EPB41: variants seen among roughly 807,000 people sequenced by gnomAD.
EPB41 encodes erythrocyte membrane protein band 4.1.
In EPB41, 65 loss-of-function variants were observed where a neutral mutation model predicts 108.0. The ratio of observed to expected loss-of-function variants is 0.60; its 90% CI spans 0.49 to 0.74. EPB41 has a LOEUF of 0.74. EPB41 is among the 30% of genes least tolerant of loss of function. The pLI is 0.00. For missense variants in EPB41, 875 were observed against 1,037.0 expected (o/e 0.84, Z 2.15); for synonymous variants, 336 against 358.9 (o/e 0.94, Z 0.72).
Position 28,993,459 on chromosome 1 carries a change from T to A in EPB41, c.598T>A (p.Ser200Thr). 6.2e-7 allele frequency: 1 copy of A among 1,613,956 alleles called. No individual in the cohort carries two copies. Among genetic ancestry groups the A allele is most frequent in the Non-Finnish European group, 8.5e-7 (1 of 1,179,980 alleles). The change falls in exon 3 of 21, where the codon TCC (serine) becomes ACC (threonine). Residue 200 changes from serine to threonine, a missense_variant. Ser to Thr is a moderately conservative substitution (Grantham distance 58). Coordinates refer to ENST00000343067, the MANE Select transcript of EPB41 (RefSeq NM_001376013.1). ...QSKAETELKA[S>T]QKPIRKHRNM... ...AAAAGCAGAAACAGAATTAAAAGCT[T>A]CCCAAAAACCAATCAGAAAACACAG...
At position 29,119,912 on chromosome 1, in the gene EPB41, TTAGAC is replaced by T. The variant is rs1380225206; in HGVS notation, c.*3103_*3107del. ...CAGCAGAATCAGATTGGCAGAATCT[TTAGAC>T]TACACAGGCAATAATCAAGTCTGCT... On this transcript the variant is annotated 3_prime_UTR_variant, in exon 21 of 21. Coordinates refer to ENST00000343067, the MANE Select transcript of EPB41 (RefSeq NM_001376013.1). The T allele has an allele frequency of 3.3e-5, 5 of 152,682 alleles. No homozygotes were observed. The highest frequency in any genetic ancestry group is 2.1e-4 in the South Asian group (1 of 4,830). The allele number at this position is 152,682 out of a possible 1,614,324, so 9.5% of individuals were successfully genotyped here. A position where few individuals can be genotyped will look rare whatever the true frequency, so the allele number is the denominator to read the frequency against.
chr1:28,887,776 C>A lies in EPB41; in HGVS notation c.-8+566C>A. The A allele has an allele frequency of 1.3e-6, 1 of 788,724 alleles. No homozygotes were observed. Among genetic ancestry groups the A allele is most frequent in the Non-Finnish European group, 1.5e-6 (1 of 649,936 alleles). The allele number at this position is 788,724 out of a possible 1,614,324, so 48.9% of individuals were successfully genotyped here. ...CGGCTGTGCCCGCCAGGGTGGCCCC[C>A]CCGGCCGTCGCGCCAGCCCCACACC... On this transcript the variant is annotated intron_variant, in intron 1 of 16. Coordinates refer to the EPB41 transcript ENST00000347529. This position sits in a 1 kb window ranked among gnomAD's most constrained non-coding sequence, Gnocchi z 4.9.
intron 11 of EPB41, among the ~76,000 whole-genome samples, chr1:29,044,779 G>A (rs1642657140): frequency 6.6e-6 from 1 of 152,198 alleles, no homozygotes; most frequent in Non-Finnish European, 1.5e-5. Flanking sequence ...TTGACCCCAG[G>A]AGGCAGAAGT....
intron 1 of EPB41, among the ~76,000 whole-genome samples, chr1:28,946,308 C>T (rs1278607161): frequency 6.6e-6 from 1 of 152,046 alleles, no homozygotes; most frequent in East Asian, 1.9e-4. Context: ...GGGGTTTCAC[C>T]GTGTTGGCCA....
chr1:28,992,683 C>T (rs1456034498), intron 2 of EPB41, among the ~76,000 whole-genome samples: 5 of 151,540 alleles, frequency 3.3e-5, no homozygotes, highest in Admixed American at 1.3e-4. Flanking sequence ...AGTGAGACTC[C>T]GTCTCAAAAA....
rs985045472 is a variant in EPB41, at chr1:28,902,297, C to T, written c.-8+15087C>T. 24 of 985,342 alleles carry T rather than the reference C, an allele frequency of 2.4e-5. No individual in the cohort carries two copies. The Admixed American group carries it at 2.5e-4, about 10-fold the overall frequency. The allele number at this position is 985,342 out of a possible 1,614,324, so 61.0% of individuals were successfully genotyped here. A position where few individuals can be genotyped will look rare whatever the true frequency, so the allele number is the denominator to read the frequency against. On this transcript the variant is annotated intron_variant, in intron 1 of 16. Coordinates refer to the EPB41 transcript ENST00000347529. ...AGGGCATCAGTTTCAATTGGAGTGC[C>T]CAAATCTTTTGTTCTGGAGCCCGAG...
intron 3 of EPB41, among the ~76,000 whole-genome samples, chr1:28,994,418 G>A (rs1006309576): frequency 3.0e-4 from 45 of 150,644 alleles, no homozygotes; most frequent in Non-Finnish European, 6.1e-4. Context: ...TGATCTGCCC[G>A]CCTCGGCCTC....
intron 1 of EPB41, among the ~76,000 whole-genome samples, chr1:28,918,448 T>G (rs1383963741): frequency 6.6e-6 from 1 of 152,244 alleles, no homozygotes; most frequent in Non-Finnish European, 1.5e-5. Flanking sequence ...GAATTTTTTC[T>G]TTAATTACTT....
intron 16 of EPB41, among the ~76,000 whole-genome samples, chr1:29,095,592 G>T (rs1662924738): frequency 6.6e-6 from 1 of 152,138 alleles, no homozygotes; most frequent in African/African-American, 2.4e-5. Flanking sequence ...ACTACATAGT[G>T]AGACCCTGTT....
chr1:28,896,986 A>T (rs2090741569), intron 1 of EPB41, among the ~76,000 whole-genome samples: 1 of 152,202 alleles, frequency 6.6e-6, no homozygotes, highest in African/African-American at 2.4e-5. Context: ...AGGAGGAGGC[A>T]GAGCTGGGTT....
rs557999037 is a variant in EPB41, at chr1:28,987,457, T to C, written c.20T>C (p.Leu7Ser). The C allele has an allele frequency of 5.0e-6, 8 of 1,614,152 alleles. No individual in the cohort carries two copies. The African/African-American group carries it at 8.0e-5, about 16-fold the overall frequency. Reference sequence around the variant, plus strand: ...AACATCATGACAACAGAGAAGAGTTTAGTGACTGAGGCCGAAAATTCACAG... The same window carrying C: ...AACATCATGACAACAGAGAAGAGTTCAGTGACTGAGGCCGAAAATTCACAG... The part of the protein sequence containing the change: MTTEKS[L>S]VTEAENSQHQ... Residue 7 changes from leucine to serine, a missense_variant, in exon 2 of 21, where the codon TTA (leucine) becomes TCA (serine). Physicochemically the swap from Leu to Ser is moderately radical, Grantham distance 145. Transcript: ENST00000343067.
intron 16 of EPB41, among the ~76,000 whole-genome samples, chr1:29,078,967 T>C (rs529885576): frequency 4.9e-4 from 74 of 152,164 alleles, no homozygotes; most frequent in African/African-American, 1.6e-3. Context: ...TTTAGAGATA[T>C]ATAATGAACA....
At chr1:28,889,271 T>G (rs1332235087) in intron 1 of EPB41, among the ~76,000 whole-genome samples, 1 of 151,988 alleles carries the variant, frequency 6.6e-6, no homozygotes, top group African/African-American at 2.4e-5. Context: ...GGGAATGGAG[T>G]GGGGAAGTCC....
At chr1:28,922,626 ATTTTTT>A (rs11353802) in intron 1 of EPB41, among the ~76,000 whole-genome samples, 2 of 127,294 alleles carry the variant, frequency 1.6e-5, no homozygotes, top group South Asian at 5.2e-4. Flanking sequence ...TAGAGACAGG[ATTTTTT>A]TTTTTTTTTT....
At chr1:28,927,978 G>C (rs896090952) in intron 1 of EPB41, among the ~76,000 whole-genome samples, 30 of 152,054 alleles carry the variant, frequency 2.0e-4, no homozygotes, top group South Asian at 6.2e-4. Context: ...GCTGACCTCA[G>C]AGGTGCTGCT....
intron 16 of EPB41, among the ~76,000 whole-genome samples, chr1:29,095,075 T>C (rs1252993490): frequency 6.6e-6 from 1 of 152,226 alleles, no homozygotes. Context: ...ATGCAATTTT[T>C]TTTCCAGATA....
At chr1:29,031,041 C>A (rs1463263441) in intron 8 of EPB41, among the ~76,000 whole-genome samples, 1 of 152,048 alleles carries the variant, frequency 6.6e-6, no homozygotes, top group Non-Finnish European at 1.5e-5. Context: ...GATCTCCTGA[C>A]CTCGTGATCC....
intron 16 of EPB41, among the ~76,000 whole-genome samples, chr1:29,084,492 G>A (rs771994987): frequency 2.0e-5 from 3 of 152,204 alleles, no homozygotes; most frequent in South Asian, 4.1e-4. Context: ...CTTAACGGAT[G>A]TAGTGGATTG....
intron 7 of EPB41, among the ~76,000 whole-genome samples, chr1:29,020,963 A>T (rs2096636791): frequency 6.6e-6 from 1 of 152,178 alleles, no homozygotes; most frequent in Admixed American, 6.5e-5. Flanking sequence ...TTTAATGGTT[A>T]TCTGATCATA....
Sources: gnomAD v4.1 joint callset for allele counts (sites outside exome capture counted in the v4.1 genomes callset) on GRCh38, gnomAD v4.1.1 for gene constraint, Gnocchi (gnomAD v3.1) non-coding constraint, MANE v1.5 for transcripts, NCBI Gene and HGNC (gene_info 2026-07-23, HGNC 2026-07-21) for gene names.